TSG101: variants seen among roughly 807,000 people sequenced by gnomAD.
TSG101 encodes the protein tumor susceptibility gene 101 protein.
In TSG101, 19 loss-of-function variants were observed where a neutral mutation model predicts 48.5. The observed-to-expected ratio is 0.39, with a 90% CI of 0.27 to 0.58. The LOEUF is 0.58. Ranked by LOEUF, TSG101 falls within the 20% of genes least tolerant of loss-of-function variation. TSG101 has a pLI of 0.55. For synonymous variants in TSG101, 174 were observed against 169.4 expected (o/e 1.03, Z -0.21); for missense variants, 365 against 484.4 (o/e 0.75, Z 2.31).
At chr11:18,521,359 CTTTTTTTT>C (rs917563952) in intron 1 of TSG101, among the ~76,000 whole-genome samples, 10 of 99,830 alleles carry the variant, frequency 1.0e-4, no homozygotes, top group South Asian at 4.4e-4. Context: ...AAACTGATTC[CTTTTTTTT>C]TTTTTTTTTT....
intron 7 of TSG101, among the ~76,000 whole-genome samples, chr11:18,497,769 T>C (rs1590276416): frequency 6.6e-6 from 1 of 152,218 alleles, no homozygotes; most frequent in Non-Finnish European, 1.5e-5. Flanking sequence ...CCTTTTATCA[T>C]TTAGGTTTCT....
intron 6 of TSG101, among the ~76,000 whole-genome samples, chr11:18,506,036 C>T (rs375410450): frequency 2.0e-5 from 3 of 152,004 alleles, no homozygotes; most frequent in African/African-American, 7.2e-5. Flanking sequence ...AGGCTGGTCT[C>T]GAACTCCTGA....
chr11:18,501,695 C>T (rs187930234), intron 7 of TSG101, among the ~76,000 whole-genome samples: 7 of 152,298 alleles, frequency 4.6e-5, no homozygotes, highest in Admixed American at 3.9e-4. Context: ...CTACAGACTG[C>T]TTTGGGTAAT....
At chr11:18,513,873 G>C (rs1488402175) in intron 4 of TSG101, among the ~76,000 whole-genome samples, 1 of 152,076 alleles carries the variant, frequency 6.6e-6, no homozygotes, top group Non-Finnish European at 1.5e-5. Flanking sequence ...TCAGGAGTTC[G>C]AGAACAGCCT....
chr11:18,521,141 C>T (rs1453825056), intron 1 of TSG101, among the ~76,000 whole-genome samples: 4 of 151,988 alleles, frequency 2.6e-5, no homozygotes, highest in Non-Finnish European at 4.4e-5. Context: ...CTGAGTATCT[C>T]TGTGATATCA....
At chr11:18,488,538 T>A (rs2133905853) in intron 7 of TSG101, among the ~76,000 whole-genome samples, 1 of 152,226 alleles carries the variant, frequency 6.6e-6, no homozygotes, top group African/African-American at 2.4e-5. Flanking sequence ...CAGGGAGAAG[T>A]CAGGGATATT....
At chr11:18,505,803 T>C (rs911440120) in intron 6 of TSG101, among the ~76,000 whole-genome samples, 6 of 152,094 alleles carry the variant, frequency 3.9e-5, no homozygotes, top group Non-Finnish European at 7.4e-5. Flanking sequence ...CTGCAATGTA[T>C]AGAAAAGATA....
Position 18,516,114 on chromosome 11 carries a change from GGATTGTTCCAGT to G in TSG101, c.166_177del (p.Thr56_Ile59del). On this transcript the variant is annotated inframe_deletion, in exon 3 of 10. Transcript: ENST00000251968. ...AGACATTTACCTCTATAAGGCACAG[GGATTGTTCCAGT>G]GAGGTTCATTAGTTCCCTGGAACTG... 1 of 1,613,698 alleles carries G rather than the reference GGATTGTTCCAGT, an allele frequency of 6.2e-7. No individual in the cohort carries two copies. Among genetic ancestry groups the G allele is most frequent in the South Asian group, 1.1e-5 (1 of 91,038 alleles).
chr11:18,520,772 C>G (rs1850258309), intron 1 of TSG101, among the ~76,000 whole-genome samples: 1 of 152,154 alleles, frequency 6.6e-6, no homozygotes, highest in South Asian at 2.1e-4. Context: ...GTGGCTTACA[C>G]TTGTAATCCT....
intron 7 of TSG101, 122 bp downstream of exon 7, chr11:18,502,364 T>G: frequency 1.5e-6 from 1 of 645,718 alleles, no homozygotes; most frequent in Middle Eastern, 2.7e-4. Flanking sequence ...TTATAGTACA[T>G]TATTATAGGT....
At chr11:18,507,241 T>G (rs1003051993) in intron 5 of TSG101, among the ~76,000 whole-genome samples, 1 of 152,204 alleles carries the variant, frequency 6.6e-6, no homozygotes, top group African/African-American at 2.4e-5. Context: ...ATTCTGGCCT[T>G]CTTCGGTCCA....
At chr11:18,507,102 C>A (rs1348499580) in intron 5 of TSG101, among the ~76,000 whole-genome samples, 179 bp from the exon 6 acceptor site, 2 of 152,152 alleles carry the variant, frequency 1.3e-5, no homozygotes, top group African/African-American at 2.4e-5. Context: ...AATCATTAAA[C>A]ATGAATTACA....
chr11:18,487,250 CTT>C (rs1266290333), intron 7 of TSG101, among the ~76,000 whole-genome samples: 2 of 135,996 alleles, frequency 1.5e-5, no homozygotes, highest in East Asian at 3.1e-4. Context: ...TACCCTAAAA[CTT>C]AAAGTATAAT....
Position 18,509,665 on chromosome 11 carries a change from G to A in TSG101, c.358C>T (p.Pro120Ser). 6.3e-7 allele frequency: 1 copy of A among 1,577,618 alleles called. No individual in the cohort carries two copies. The highest frequency in any genetic ancestry group is 1.2e-5 in the South Asian group (1 of 84,836). The change falls in exon 5 of 10, where the codon CCA becomes TCA. Residue 120 changes from proline (P) to serine (S), a missense_variant and splice_region_variant. By Grantham distance (74) the Pro-to-Ser change is moderately conservative. Coordinates refer to ENST00000251968, the MANE Select transcript of TSG101 (RefSeq NM_006292.4). Reference sequence around the variant, plus strand: ...ATAAGCCCCAACAAGTCTGACTGTGGCTACAAAATGAAAAAAAATTCAAGT... The same window carrying A: ...ATAAGCCCCAACAAGTCTGACTGTGACTACAAAATGAAAAAAAATTCAAGT... Reference protein sequence around the residue: ...YLPYLHEWKHPQSDLLGLIQV... With the variant: ...YLPYLHEWKHSQSDLLGLIQV...
intron 1 of TSG101, among the ~76,000 whole-genome samples, chr11:18,525,108 C>T (rs1850346359): frequency 6.6e-6 from 1 of 151,926 alleles, no homozygotes; most frequent in African/African-American, 2.4e-5. Flanking sequence ...GGGGTTTCAC[C>T]ATGTTGATCA....
chr11:18,494,779 G>C (rs906378363), intron 7 of TSG101, among the ~76,000 whole-genome samples: 2 of 152,062 alleles, frequency 1.3e-5, no homozygotes, highest in Non-Finnish European at 2.9e-5. Context: ...TGGGTGCCTT[G>C]GGTGCCATAT....
chr11:18,519,286 G>A (rs1218455870), intron 2 of TSG101, among the ~76,000 whole-genome samples: 1 of 152,026 alleles, frequency 6.6e-6, no homozygotes, highest in African/African-American at 2.4e-5. Context: ...TTACAGAAAT[G>A]AGCCACCACA....
intron 6 of TSG101, among the ~76,000 whole-genome samples, chr11:18,504,511 G>A (rs1363941133): frequency 1.3e-5 from 2 of 152,044 alleles, no homozygotes; most frequent in Non-Finnish European, 2.9e-5. Context: ...AGTCTCTTCA[G>A]TAATCCATGC....
chr11:18,513,457 A>G (rs1403977008), intron 4 of TSG101, among the ~76,000 whole-genome samples: 1 of 151,814 alleles, frequency 6.6e-6, no homozygotes, highest in East Asian at 1.9e-4. Context: ...CACCATGCCA[A>G]GGTTTTTTTA....
Sources: allele counts gnomAD v4.1 joint callset (sites outside exome capture counted in the v4.1 genomes callset), GRCh38; gene constraint gnomAD v4.1.1; transcripts MANE v1.5; gene names NCBI Gene and HGNC (gene_info 2026-07-23, HGNC 2026-07-21).